RAB1A: variants seen among roughly 807,000 people sequenced by gnomAD.
RAB1A encodes RAB1A, member RAS oncogene family, also known as ras-related protein Rab-1A.
A neutral mutation model predicts 26.0 loss-of-function variants in RAB1A; 2 were observed. The observed-to-expected ratio is 0.08, with a 90% CI of 0.03 to 0.24. RAB1A has a LOEUF of 0.24. Among genes scored for constraint, RAB1A ranks in the 10% least tolerant of loss-of-function variants. The pLI is 1.00. For missense variants in RAB1A, 100 were observed against 247.0 expected, an observed-to-expected ratio of 0.40 and a Z score of 3.99; for synonymous variants, 84 against 84.9, an observed-to-expected ratio of 0.99 and a Z score of 0.06.
chr2:65,125,775 A>C (rs1426770033), intron 1 of RAB1A, among the ~76,000 whole-genome samples: 1 of 152,020 alleles, frequency 6.6e-6, no homozygotes, highest in Non-Finnish European at 1.5e-5. Flanking sequence ...TAGCTCAAAA[A>C]AAATCCACAT....
intron 1 of RAB1A, among the ~76,000 whole-genome samples, chr2:65,110,370 G>A (rs1669666861): frequency 6.6e-6 from 1 of 151,730 alleles, no homozygotes; most frequent in Non-Finnish European, 1.5e-5. Context: ...GAACCCGGGA[G>A]GTGGAGGTTG....
In RAB1A at chr2:65,128,286, A is replaced by G. The variant is rs970218955; in HGVS notation, c.23+1607T>C. ...CAACTAATCTTGAAGATTTATTTAC[A>G]CTAATAAACATATATATAGCAAATT... On this transcript the variant is annotated intron_variant, in intron 1 of 5. Coordinates refer to ENST00000409784, the MANE Select transcript of RAB1A (RefSeq NM_004161.5). Among the ~76,000 whole-genome samples, 3 of 152,216 alleles carry G rather than the reference A, an allele frequency of 2.0e-5. No homozygotes were observed. In the East Asian group the frequency reaches 5.8e-4, roughly 29 times the overall value.
chr2:65,104,686 A>G (rs1371906133), intron 2 of RAB1A, 48 bp downstream of exon 2: 11 of 1,284,526 alleles, frequency 8.6e-6, no homozygotes, highest in Non-Finnish European at 1.2e-5. Flanking sequence ...AAACATACAT[A>G]GCATTAATTG....
chr2:65,112,977 G>C (rs56725299), intron 1 of RAB1A, among the ~76,000 whole-genome samples: 24,111 of 152,136 alleles, frequency 0.16, 2,054 homozygotes, highest in African/African-American at 0.21. Context: ...GGGAGGCTGA[G>C]GCTGGAGGAT....
At chr2:65,101,641 T>C (rs868863216) in intron 2 of RAB1A, among the ~76,000 whole-genome samples, 38 of 149,346 alleles carry the variant, frequency 2.5e-4, no homozygotes, top group Admixed American at 4.1e-4. Context: ...GCCAATTTAA[T>C]AAAAATTAAA....
Position 65,088,746 on chromosome 2 carries a change from G to C in RAB1A, c.421-56C>G, listed in dbSNP as rs1420184. 0.68 allele frequency: 980,337 copies of C among 1,444,836 alleles called. 334,287 individuals are homozygous for C. The highest frequency in any genetic ancestry group is 0.69 in the Non-Finnish European group (736,902 of 1,063,976). The allele number at this position is 1,444,836 out of a possible 1,614,324, so 89.5% of individuals were successfully genotyped here. On this transcript the variant is annotated intron_variant, in intron 5 of 5. Coordinates refer to ENST00000409784, the MANE Select transcript of RAB1A (RefSeq NM_004161.5). ...GAAAAATCTTTTTCACTAATTCTTA[G>C]TGCATTTCTACCATCCATAATGGAG...
chr2:65,105,511 C>CAAAAAAAAAAAAAAAAAAAAAAAAA (rs60594101), intron 1 of RAB1A: 1 of 33,028 alleles, frequency 3.0e-5, no homozygotes, highest in African/African-American at 1.0e-4. Flanking sequence ...AACTCTGTCT[C>CAAAAAAAAAAAAAAAAAAAAAAAAA]AAAAAAAAAA....
At chr2:65,120,790 G>A (rs1669946180) in intron 1 of RAB1A, among the ~76,000 whole-genome samples, 1 of 152,152 alleles carries the variant, frequency 6.6e-6, no homozygotes, top group Non-Finnish European at 1.5e-5. Flanking sequence ...TATAAGGAGA[G>A]TAGAAAGGAC....
chr2:65,101,968 C>A (rs1233851481), intron 2 of RAB1A, among the ~76,000 whole-genome samples: 2 of 151,858 alleles, frequency 1.3e-5, no homozygotes, highest in Non-Finnish European at 2.9e-5. Flanking sequence ...AGGCTGGTCT[C>A]GAACTCCTGA....
chr2:65,103,772 GTTTT>G (rs554204970), intron 2 of RAB1A, among the ~76,000 whole-genome samples: 151 of 151,528 alleles, frequency 1.0e-3, no homozygotes, highest in African/African-American at 3.6e-3. Flanking sequence ...ATGCTAATTT[GTTTT>G]TTTATTTTTT....
chr2:65,101,969 G>A (rs1305877353), intron 2 of RAB1A, among the ~76,000 whole-genome samples: 1 of 151,702 alleles, frequency 6.6e-6, no homozygotes, highest in African/African-American at 2.4e-5. Flanking sequence ...GGCTGGTCTC[G>A]AACTCCTGAC....
chr2:65,100,763 CAAAAA>C (rs10597136), intron 2 of RAB1A, among the ~76,000 whole-genome samples: 5 of 128,664 alleles, frequency 3.9e-5, no homozygotes, highest in Admixed American at 8.1e-5. Context: ...CATCTCAAAC[CAAAAA>C]AAAAAAAAAA....
chr2:65,090,396 TAAC>T (rs1037532584), intron 4 of RAB1A, among the ~76,000 whole-genome samples: 4 of 152,324 alleles, frequency 2.6e-5, no homozygotes, highest in East Asian at 1.9e-4. Flanking sequence ...AAAAAAATAG[TAAC>T]AAAAAAAGTT....
chr2:65,101,155 A>AG (rs1669417029), intron 2 of RAB1A, among the ~76,000 whole-genome samples: 1 of 151,054 alleles, frequency 6.6e-6, no homozygotes, highest in Non-Finnish European at 1.5e-5. Flanking sequence ...CAAAAAAAAA[A>AG]AGAAAAAGAA....
chr2:65,087,211 A>G lies in RAB1A; in HGVS notation c.*1282T>C, dbSNP rs916410755. 1 of 152,570 alleles carries G rather than the reference A, an allele frequency of 6.6e-6. No homozygotes were observed. The highest frequency in any genetic ancestry group is 1.5e-5 in the Non-Finnish European group (1 of 68,028). 9.5% of individuals were successfully genotyped at this position (152,570 alleles called of 1,614,324 possible). On this transcript the variant is annotated 3_prime_UTR_variant, in exon 6 of 6. Coordinates refer to ENST00000409784, the MANE Select transcript of RAB1A (RefSeq NM_004161.5). ...TTTATTCCTCACAATTAAAAACCAA[A>G]CAAAACCCCCTAGGATCTTGAAGGT...
At chr2:65,117,257 A>G (rs1226791222) in intron 1 of RAB1A, among the ~76,000 whole-genome samples, 5 of 152,018 alleles carry the variant, frequency 3.3e-5, no homozygotes, top group East Asian at 1.9e-4. Context: ...TTTTAGAGAC[A>G]GGGTCTTCAT....
intron 1 of RAB1A, among the ~76,000 whole-genome samples, chr2:65,109,058 C>T (rs79392419): frequency 0.018 from 2,750 of 152,258 alleles, 89 homozygotes; most frequent in African/African-American, 0.062. Flanking sequence ...ATCAGTGACA[C>T]GTTAACTTGC....
chr2:65,127,744 T>A (rs1252786504), intron 1 of RAB1A, among the ~76,000 whole-genome samples: 1 of 152,112 alleles, frequency 6.6e-6, no homozygotes, highest in Admixed American at 6.5e-5. Flanking sequence ...ATAAATAATT[T>A]TTTTTTTGAG....
intron 2 of RAB1A, among the ~76,000 whole-genome samples, chr2:65,103,945 A>T (rs1669496863): frequency 2.0e-5 from 3 of 151,716 alleles, no homozygotes; most frequent in Admixed American, 2.0e-4. Flanking sequence ...CACCCAGCTA[A>T]TTTTTTGTAT....
Sources: allele counts gnomAD v4.1 joint callset (sites outside exome capture counted in the v4.1 genomes callset), GRCh38; gene constraint gnomAD v4.1.1; transcripts MANE v1.5; gene names NCBI Gene and HGNC (gene_info 2026-07-23, HGNC 2026-07-21).